Variants in SFRP1 observed in about 807,000 individuals in gnomAD.
SFRP1 encodes secreted frizzled-related protein 1.
Under a neutral mutation model 25.9 loss-of-function variants are expected in SFRP1, and 9 were observed. The ratio of observed to expected loss-of-function variants is 0.35; its 90% CI spans 0.21 to 0.61. The LOEUF is 0.61. SFRP1 is among the 20% of genes least tolerant of loss of function. The pLI, the probability that SFRP1 is intolerant of heterozygous loss-of-function variation, is 0.78. For synonymous variants in SFRP1, 178 were observed against 174.0 expected (o/e 1.02, Z -0.18); for missense variants, 346 against 418.2 (o/e 0.83, Z 1.51).
intron 2 of SFRP1, chr8:41,275,019 T>C: frequency 7.0e-6 from 2 of 287,132 alleles, no homozygotes; most frequent in South Asian, 5.3e-5. Flanking sequence ...TTTTTTTCTT[T>C]TTTGAGGAGG....
intron 2 of SFRP1, among the ~76,000 whole-genome samples, chr8:41,293,800 G>C (rs553287073): frequency 5.9e-5 from 9 of 152,122 alleles, no homozygotes; most frequent in African/African-American, 2.2e-4. Flanking sequence ...ACAAGGTCTT[G>C]CCCTGTCTCA....
chr8:41,294,904 C>T (rs1011932214), intron 2 of SFRP1, among the ~76,000 whole-genome samples: 10 of 152,272 alleles, frequency 6.6e-5, no homozygotes, highest in African/African-American at 2.2e-4. Flanking sequence ...AAGGACCCAG[C>T]GTGCAGCATG....
intron 2 of SFRP1, among the ~76,000 whole-genome samples, chr8:41,294,489 A>G (rs1458626960): frequency 1.3e-5 from 2 of 152,176 alleles, no homozygotes; most frequent in Non-Finnish European, 2.9e-5. Flanking sequence ...ATGAGAAAGA[A>G]CATCATTTAG....
At chr8:41,308,404 C>A (rs1027026281) in intron 1 of SFRP1, among the ~76,000 whole-genome samples, 12 of 152,248 alleles carry the variant, frequency 7.9e-5, no homozygotes, top group Non-Finnish European at 1.8e-4. Context: ...CCAGCCCCGC[C>A]GTGCACCTGG....
rs766249011 is a variant in SFRP1 at position 41,265,494 on chromosome 8, A to G, written c.623-5T>C. On this transcript the variant is annotated splice_region_variant and splice_polypyrimidine_tract_variant and intron_variant, in intron 2 of 2. Transcript: ENST00000220772. ...CTTTTATTTTCATCCTCAGTGCTAG[A>G]GATGGAGAGGACAGAAGAAGAGAAA... is the stretch of plus-strand genomic sequence containing the variant. The G allele has an allele frequency of 6.3e-7, 1 of 1,596,916 alleles. No individual in the cohort carries two copies. Among genetic ancestry groups the G allele is most frequent in the Non-Finnish European group, 8.5e-7 (1 of 1,174,274 alleles).
In SFRP1 at chr8:41,264,310, AT is replaced by A. The variant is rs1332306513; in HGVS notation, c.*856del. The A allele has an allele frequency of 6.6e-6, 1 of 152,080 alleles. No individual in the cohort carries two copies. The highest frequency in any genetic ancestry group is 1.5e-5 in the Non-Finnish European group (1 of 68,014). The allele number at this position is 152,080 out of a possible 1,614,324, so 9.4% of individuals were successfully genotyped here. A position where few individuals can be genotyped will look rare whatever the true frequency, so the allele number is the denominator to read the frequency against. On this transcript the variant is annotated 3_prime_UTR_variant, in exon 3 of 3. Transcript: ENST00000220772. The stretch of plus-strand genomic sequence containing the variant: ...TAGCAATTTGCTGGACTGTTCTAAA[AT>A]TTTTTTCATTTGTTTCTTTTTTAAC...
In SFRP1 at chr8:41,262,577, C is replaced by G. The variant is rs1803388282; in HGVS notation, c.*2590G>C. On this transcript the variant is annotated 3_prime_UTR_variant, in exon 3 of 3. Transcript: ENST00000220772. The stretch of plus-strand genomic sequence containing the variant: ...TTCTAAGATAACTACAAATATTCTT[C>G]AAAGATTTAACTGAGTTCTGCCAAG... 1 of 152,132 alleles carries G rather than the reference C, an allele frequency of 6.6e-6. No individual in the cohort carries two copies. The highest frequency in any genetic ancestry group is 1.5e-5 in the Non-Finnish European group (1 of 68,016). The allele number at this position is 152,132 out of a possible 1,614,324, so 9.4% of individuals were successfully genotyped here. A position where few individuals can be genotyped will look rare whatever the true frequency, so the allele number is the denominator to read the frequency against.
At chr8:41,278,212 T>C (rs1181683193) in intron 2 of SFRP1, among the ~76,000 whole-genome samples, 1 of 152,106 alleles carries the variant, frequency 6.6e-6, no homozygotes, top group Non-Finnish European at 1.5e-5. Context: ...ACTTACAGAA[T>C]TGCTGAGGTC....
At chr8:41,288,013 T>A (rs1585514498) in intron 2 of SFRP1, among the ~76,000 whole-genome samples, 1 of 151,102 alleles carries the variant, frequency 6.6e-6, no homozygotes, top group Non-Finnish European at 1.5e-5. Context: ...AGGCCAGGAG[T>A]TCAAGACCAG....
intron 2 of SFRP1, among the ~76,000 whole-genome samples, chr8:41,275,542 GC>G (rs1248163328): frequency 6.6e-6 from 1 of 150,440 alleles, no homozygotes; most frequent in East Asian, 2.0e-4. Flanking sequence ...TTGCTCTTTT[GC>G]CCAGGCTGGA....
At chr8:41,289,052 C>A (rs978360704) in intron 2 of SFRP1, among the ~76,000 whole-genome samples, 8 of 152,234 alleles carry the variant, frequency 5.3e-5, no homozygotes, top group Non-Finnish European at 1.0e-4. Context: ...CCAACTCAAC[C>A]CTTCAATGAA....
intron 2 of SFRP1, among the ~76,000 whole-genome samples, chr8:41,278,751 C>T (rs1219776113): frequency 1.3e-5 from 2 of 152,192 alleles, no homozygotes; most frequent in Admixed American, 6.5e-5. Flanking sequence ...TGACACACTC[C>T]ACAAATAATA....
rs149519105 is a variant in SFRP1, at chr8:41,302,165, G to A, written c.622+1296C>T. On this transcript the variant is annotated intron_variant, in intron 2 of 2. Coordinates refer to ENST00000220772, the MANE Select transcript of SFRP1 (RefSeq NM_003012.5). Reference sequence around the variant, plus strand: ...TCCTCACTGATGAATTTGAGTTAATGCAGAAACAGACAAGTAACTCACACT... The same window carrying A: ...TCCTCACTGATGAATTTGAGTTAATACAGAAACAGACAAGTAACTCACACT... Among the ~76,000 whole-genome samples the A allele has an allele frequency of 2.0e-5, 3 of 152,336 alleles. No homozygotes were observed. The East Asian group carries it at 5.8e-4, about 29-fold the overall frequency.
At chr8:41,303,429 C>T (rs768997719) in intron 2 of SFRP1, 32 bp downstream of exon 2, 4 of 1,568,302 alleles carry the variant, frequency 2.6e-6, no homozygotes, top group South Asian at 2.2e-5. Flanking sequence ...AGGTTCCAAA[C>T]CTTCCAGAGG....
intron 2 of SFRP1, among the ~76,000 whole-genome samples, chr8:41,276,303 T>G (rs1442841919): frequency 1.3e-5 from 2 of 152,194 alleles, no homozygotes; most frequent in Admixed American, 6.5e-5. Flanking sequence ...CAAGTCCAAT[T>G]GTGCAAATGA....
intron 2 of SFRP1, among the ~76,000 whole-genome samples, chr8:41,268,399 T>G (rs74456042): frequency 0.028 from 4,243 of 152,342 alleles, 193 homozygotes; most frequent in African/African-American, 0.094. Flanking sequence ...TATTGCTTCA[T>G]TGGAAACTAT....
Position 41,265,311 on chromosome 8 carries a change from G to A in SFRP1, c.801C>T (p.His267=), listed in dbSNP as rs1419662937. The A allele has an allele frequency of 5.0e-6, 8 of 1,614,196 alleles. No individual in the cohort carries two copies. The highest frequency in any genetic ancestry group is 5.1e-6 in the Non-Finnish European group (6 of 1,180,044). ...TCACCTTGCGGCCCATGATGAGGAA[G>A]TGGTGGCTGAGGTTGTCCAGCTGGT... ...PCHQLDNLSH[H]FLIMGRKVKS... is the part of the protein sequence containing the mutation. Residue 267 remains histidine, a synonymous_variant, in exon 3 of 3, where the codon CAC becomes CAT. Coordinates refer to ENST00000220772, the MANE Select transcript of SFRP1 (RefSeq NM_003012.5).
chr8:41,307,598 C>G (rs868101575), intron 1 of SFRP1, among the ~76,000 whole-genome samples: 1 of 152,194 alleles, frequency 6.6e-6, no homozygotes, highest in Non-Finnish European at 1.5e-5. Flanking sequence ...AATCCCTGAC[C>G]CTCTCCACAC....
intron 2 of SFRP1, among the ~76,000 whole-genome samples, chr8:41,276,661 A>G (rs1803575792): frequency 6.6e-6 from 1 of 152,232 alleles, no homozygotes; most frequent in African/African-American, 2.4e-5. Flanking sequence ...AACTAAAAGA[A>G]CAAGATCCAA....
Sources: gnomAD v4.1 joint callset for allele counts (sites outside exome capture counted in the v4.1 genomes callset) on GRCh38, gnomAD v4.1.1 for gene constraint, MANE v1.5 for transcripts, NCBI Gene and HGNC (gene_info 2026-07-23, HGNC 2026-07-21) for gene names.